Variants in CHN1 observed in about 807,000 individuals in gnomAD.
The protein encoded by CHN1 is chimerin 1.
In CHN1, 37 loss-of-function variants were observed where a neutral mutation model predicts 59.5. The observed-to-expected ratio is 0.62, with a 90% CI of 0.48 to 0.82. The LOEUF (loss-of-function observed/expected upper bound fraction) is 0.82, where lower values mean the gene tolerates loss of function less well. Ranked by LOEUF, CHN1 falls within the 40% of genes least tolerant of loss-of-function variation. CHN1 has a pLI of 0.00. For missense variants in CHN1, 469 were observed against 571.0 expected (o/e 0.82, Z 1.82); for synonymous variants, 206 against 200.4 (o/e 1.03, Z -0.24).
At chr2:174,862,035 T>C (rs1687083480) in intron 6 of CHN1, among the ~76,000 whole-genome samples, 1 of 152,202 alleles carries the variant, frequency 6.6e-6, no homozygotes, top group African/African-American at 2.4e-5. Flanking sequence ...TTTCCTCCTA[T>C]GAACTCAAAC....
chr2:174,854,257 C>T (rs917170366), intron 6 of CHN1, among the ~76,000 whole-genome samples: 1 of 151,754 alleles, frequency 6.6e-6, no homozygotes, highest in Non-Finnish European at 1.5e-5. Context: ...CCACTTTTCA[C>T]CTGTTTGTGA....
intron 1 of CHN1, among the ~76,000 whole-genome samples, chr2:174,989,783 C>G (rs2105460862): frequency 6.6e-6 from 1 of 150,990 alleles, no homozygotes; most frequent in South Asian, 2.1e-4. Flanking sequence ...CAGTGAAACC[C>G]TGTCTCAAAA....
chr2:174,821,815 C>G (rs1165264779), intron 8 of CHN1: 3 of 405,122 alleles, frequency 7.4e-6, no homozygotes, highest in African/African-American at 6.3e-5. Context: ...TACAAATTAC[C>G]CAGTCTGTGG....
chr2:174,840,688 G>C lies in CHN1; in HGVS notation c.627+6192C>G, dbSNP rs567858758. On this transcript the variant is annotated intron_variant, in intron 7 of 12. Transcript: ENST00000409900. Reference sequence around the variant, plus strand: ...GGAAAGCCTGGAGAGTTTTATTTTAGGTTAGAGAATACTGTGGGCAAGATG... The same window carrying C: ...GGAAAGCCTGGAGAGTTTTATTTTACGTTAGAGAATACTGTGGGCAAGATG... 1.5e-4 allele frequency among the ~76,000 whole-genome samples: 23 copies of C among 152,220 alleles called. No individual in the cohort carries two copies. In the South Asian group the frequency reaches 4.8e-3, roughly 32 times the overall value.
intron 11 of CHN1, 37 bp from the exon 12 acceptor site, chr2:174,801,849 TAACAC>T (rs1684732512): frequency 6.9e-7 from 1 of 1,439,788 alleles, no homozygotes; most frequent in African/African-American, 1.4e-5. Flanking sequence ...AGAAAAGAAA[TAACAC>T]AAAACTGATA....
intron 6 of CHN1, among the ~76,000 whole-genome samples, chr2:174,851,468 G>A (rs1272242366): frequency 6.6e-6 from 1 of 152,046 alleles, no homozygotes; most frequent in Non-Finnish European, 1.5e-5. Flanking sequence ...TTTTTCTAGA[G>A]ATGGAGTTTC....
chr2:174,812,213 A>G, intron 9 of CHN1, 96 bp downstream of exon 9: 1 of 961,800 alleles, frequency 1.0e-6, no homozygotes, highest in Non-Finnish European at 1.5e-6. Context: ...AAATTACAGA[A>G]GACAACCGTA....
chr2:174,897,052 T>C (rs975696753), intron 5 of CHN1, among the ~76,000 whole-genome samples: 3 of 152,134 alleles, frequency 2.0e-5, no homozygotes, highest in East Asian at 3.8e-4. Flanking sequence ...CTTCTATTGA[T>C]AGATTCTGGC....
chr2:174,811,826 T>A (rs1409710811), intron 9 of CHN1, among the ~76,000 whole-genome samples: 1 of 152,204 alleles, frequency 6.6e-6, no homozygotes, highest in African/African-American at 2.4e-5. Context: ...ATATGTTAAG[T>A]CTTAAGGGAA....
intron 4 of CHN1, among the ~76,000 whole-genome samples, chr2:174,918,132 ATACT>A (rs1688903147): frequency 6.6e-6 from 1 of 152,134 alleles, no homozygotes; most frequent in African/African-American, 2.4e-5. Context: ...AAGATAATAC[ATACT>A]ATTTAAGAAA....
At chr2:174,853,549 A>C (rs1686806771) in intron 6 of CHN1, among the ~76,000 whole-genome samples, 1 of 152,206 alleles carries the variant, frequency 6.6e-6, no homozygotes, top group Admixed American at 6.5e-5. Context: ...GATTTCCCAA[A>C]TAATTTAAAA....
intron 5 of CHN1, among the ~76,000 whole-genome samples, chr2:174,909,444 T>C (rs571032617): frequency 2.0e-3 from 303 of 152,236 alleles, no homozygotes; most frequent in African/African-American, 7.2e-3. Flanking sequence ...ATGTTACTGG[T>C]CCAAGAATGG....
chr2:174,841,760 T>C (rs999772131), intron 7 of CHN1, among the ~76,000 whole-genome samples: 1 of 152,180 alleles, frequency 6.6e-6, no homozygotes, highest in Non-Finnish European at 1.5e-5. Flanking sequence ...AATGTTTATG[T>C]TGGACACTCC....
intron 1 of CHN1, among the ~76,000 whole-genome samples, chr2:174,977,249 C>T (rs1690976882): frequency 6.6e-6 from 1 of 152,190 alleles, no homozygotes; most frequent in African/African-American, 2.4e-5. Flanking sequence ...CTCTGACCAG[C>T]TTGTCAACCT....
intron 6 of CHN1, among the ~76,000 whole-genome samples, chr2:174,866,193 T>G (rs1324669887): frequency 6.6e-6 from 1 of 152,102 alleles, no homozygotes; most frequent in Non-Finnish European, 1.5e-5. Flanking sequence ...AGGAAAAGAA[T>G]AGCAGAAAAA....
chr2:174,860,865 C>T (rs1000779219), intron 6 of CHN1, among the ~76,000 whole-genome samples: 1 of 152,078 alleles, frequency 6.6e-6, no homozygotes, highest in Admixed American at 6.6e-5. Context: ...AGATTTCTCG[C>T]TCTTTCCAAT....
At chr2:174,812,751 T>C (rs1685119054) in intron 8 of CHN1, among the ~76,000 whole-genome samples, 1 of 152,072 alleles carries the variant, frequency 6.6e-6, no homozygotes, top group African/African-American at 2.4e-5. Context: ...AAAATCAAAA[T>C]TAATGTTTTT....
intron 1 of CHN1, among the ~76,000 whole-genome samples, chr2:174,976,716 G>A (rs907023517): frequency 1.3e-5 from 2 of 152,112 alleles, no homozygotes; most frequent in African/African-American, 4.8e-5. Flanking sequence ...AGAAAAGAGA[G>A]CCATCTTCTT....
At chr2:174,905,578 T>C (rs1390194405) in intron 5 of CHN1, among the ~76,000 whole-genome samples, 2 of 151,936 alleles carry the variant, frequency 1.3e-5, no homozygotes, top group Admixed American at 6.6e-5. Context: ...TTTTTTTTTT[T>C]CTCTGAGACG....
Sources: allele counts gnomAD v4.1 joint callset (sites outside exome capture counted in the v4.1 genomes callset), GRCh38; gene constraint gnomAD v4.1.1; transcripts MANE v1.5; gene names NCBI Gene and HGNC (gene_info 2026-07-23, HGNC 2026-07-21).